The following TANC1 variants were observed in gnomAD, a reference collection of about 807,000 sequenced individuals.
The protein encoded by TANC1 is tetratricopeptide repeat, ankyrin repeat and coiled-coil containing 1.
Under a neutral mutation model 149.7 loss-of-function variants are expected in TANC1, and 77 were observed. The observed-to-expected ratio is 0.51, with a 90% CI of 0.43 to 0.62. TANC1 has a LOEUF of 0.62. Ranked by LOEUF, TANC1 falls within the 20% of genes least tolerant of loss-of-function variation. TANC1 has a pLI of 0.00. For missense variants in TANC1, 1,985 were observed against 2,321.8 expected (o/e 0.85, Z 2.98); for synonymous variants, 854 against 925.0 (o/e 0.92, Z 1.39).
chr2:159,042,922 C>G (rs1026038384), intron 2 of TANC1, among the ~76,000 whole-genome samples: 10 of 152,080 alleles, frequency 6.6e-5, no homozygotes, highest in African/African-American at 2.4e-4. Context: ...TATCTTAAAC[C>G]TTTAAAACAT....
intron 3 of TANC1, among the ~76,000 whole-genome samples, chr2:159,089,360 C>T (rs2045295334): frequency 6.6e-6 from 1 of 152,132 alleles, no homozygotes; most frequent in Admixed American, 6.5e-5. Context: ...GACTGCTAGC[C>T]AGATGCAGTT....
At chr2:159,073,101 G>A (rs1006377964) in intron 3 of TANC1, among the ~76,000 whole-genome samples, 2 of 152,140 alleles carry the variant, frequency 1.3e-5, no homozygotes, top group South Asian at 2.1e-4. Context: ...AAGGGATTTC[G>A]GGAGTTGGCA....
intron 9 of TANC1, 111 bp from the exon 10 acceptor site, chr2:159,170,413 C>A: frequency 1.0e-6 from 1 of 960,744 alleles, no homozygotes. Flanking sequence ...CAGACAGATC[C>A]TAGTGGGGGT....
intron 2 of TANC1, among the ~76,000 whole-genome samples, chr2:159,041,247 A>G (rs1313408866): frequency 6.6e-6 from 1 of 152,206 alleles, no homozygotes; most frequent in East Asian, 1.9e-4. Context: ...TCAGGGACCC[A>G]CTTGAGGAGG....
In TANC1 at chr2:159,169,373, G is replaced by T; in HGVS notation, c.1069+1G>T. ...GGAGGTAGGGCACAGGAAGTTAAAG[G>T]TATTTATCCTGGCATCAGCTGCGAT... is the stretch of plus-strand genomic sequence containing the variant. On this transcript the variant is annotated splice_donor_variant, in intron 9 of 26. Coordinates refer to ENST00000263635, the MANE Select transcript of TANC1 (RefSeq NM_033394.3). LOFTEE classifies it high-confidence loss of function. 1 of 1,613,330 alleles carries T rather than the reference G, an allele frequency of 6.2e-7. No homozygotes were observed. The highest frequency in any genetic ancestry group is 2.2e-5 in the East Asian group (1 of 44,868).
chr2:159,116,455 A>AACAACAAC (rs754714980), intron 4 of TANC1, among the ~76,000 whole-genome samples: 4 of 130,356 alleles, frequency 3.1e-5, no homozygotes, highest in South Asian at 2.3e-4. Flanking sequence ...CAACAACAAC[A>AACAACAAC]AAAAAAAAAA....
At chr2:159,116,314 C>T (rs141002493) in intron 4 of TANC1, among the ~76,000 whole-genome samples, 13,581 of 151,984 alleles carry the variant, frequency 0.089, 835 homozygotes, top group Admixed American at 0.17. Flanking sequence ...GTAATCCCAG[C>T]TACTCAGGAG....
intron 2 of TANC1, among the ~76,000 whole-genome samples, chr2:159,015,240 C>G (rs1421455641): frequency 6.6e-6 from 1 of 152,222 alleles, no homozygotes; most frequent in African/African-American, 2.4e-5. Flanking sequence ...AGGCTTAACA[C>G]CATGTGGAAG....
chr2:159,132,620 C>T (rs1358971701), intron 4 of TANC1, among the ~76,000 whole-genome samples: 1 of 151,004 alleles, frequency 6.6e-6, no homozygotes, highest in African/African-American at 2.4e-5. Context: ...TCCAAAGTAG[C>T]TGGGACTACA....
intron 13 of TANC1, among the ~76,000 whole-genome samples, chr2:159,178,143 T>C (rs543434552): frequency 4.7e-4 from 71 of 152,386 alleles, no homozygotes; most frequent in African/African-American, 1.6e-3. Flanking sequence ...TCTTGGCGTC[T>C]GGCCGTGTTC....
chr2:159,190,614 T>C (rs754853727), intron 16 of TANC1, among the ~76,000 whole-genome samples: 4 of 152,170 alleles, frequency 2.6e-5, no homozygotes, highest in Non-Finnish European at 4.4e-5. Flanking sequence ...TGCAATGGCG[T>C]GATCTTGGCT....
At chr2:159,130,677 G>A (rs1313734039) in intron 4 of TANC1, among the ~76,000 whole-genome samples, 3 of 152,176 alleles carry the variant, frequency 2.0e-5, no homozygotes, top group African/African-American at 4.8e-5. Context: ...AATAGAAACA[G>A]TATTGCTTTT....
chr2:159,105,931 C>T (rs2047135520), intron 4 of TANC1, among the ~76,000 whole-genome samples: 3 of 151,184 alleles, frequency 2.0e-5, no homozygotes, highest in Non-Finnish European at 4.4e-5. Context: ...ATTGATTTAG[C>T]ACAGCTTCAT....
chr2:159,057,042 T>C (rs62172862), intron 2 of TANC1, among the ~76,000 whole-genome samples: 10,067 of 152,262 alleles, frequency 0.066, 519 homozygotes, highest in East Asian at 0.16. Context: ...AATCGGGTGT[T>C]ATGGCCTGGT....
intron 14 of TANC1, among the ~76,000 whole-genome samples, chr2:159,183,354 C>T (rs144878431): frequency 1.7e-4 from 26 of 152,198 alleles, no homozygotes; most frequent in African/African-American, 6.0e-4. Context: ...CAGGGCGGGT[C>T]GGCAGGTTGG....
At chr2:159,047,354 C>T (rs2041149101) in intron 2 of TANC1, among the ~76,000 whole-genome samples, 1 of 152,020 alleles carries the variant, frequency 6.6e-6, no homozygotes, top group Non-Finnish European at 1.5e-5. Flanking sequence ...TTTAAAATTG[C>T]TGATTACATT....
At chr2:159,019,905 A>G (rs1023480549) in intron 2 of TANC1, among the ~76,000 whole-genome samples, 1 of 151,540 alleles carries the variant, frequency 6.6e-6, no homozygotes, top group African/African-American at 2.4e-5. Context: ...GCTTTCATAT[A>G]GCAATGGTCA....
intron 3 of TANC1, among the ~76,000 whole-genome samples, chr2:159,092,333 G>C (rs754581015): frequency 7.2e-5 from 11 of 152,072 alleles, no homozygotes; most frequent in Non-Finnish European, 2.9e-5. Context: ...ATTTTTTAAA[G>C]CTGTCTCTAA....
chr2:159,065,857 A>G (rs372136266), intron 2 of TANC1, 39 bp from the exon 3 acceptor site: 8 of 1,539,154 alleles, frequency 5.2e-6, no homozygotes, highest in Middle Eastern at 1.7e-4. Flanking sequence ...CCAACTTTCA[A>G]TGTTTAATTC....
Sources: gnomAD v4.1 joint callset for allele counts (sites outside exome capture counted in the v4.1 genomes callset) on GRCh38, gnomAD v4.1.1 for gene constraint, MANE v1.5 for transcripts, NCBI Gene and HGNC (gene_info 2026-07-23, HGNC 2026-07-21) for gene names.